Variants in EIF4G3 observed in about 807,000 individuals in gnomAD.
EIF4G3 encodes eukaryotic translation initiation factor 4 gamma 3, also known as eIF-4-gamma 3.
EIF4G3 carries 34 observed loss-of-function variants against 186.4 expected under a neutral mutation model. That is an observed-to-expected ratio of 0.18 (90% CI 0.14 to 0.24). The LOEUF (loss-of-function observed/expected upper bound fraction) is 0.24, where lower values mean the gene tolerates loss of function less well. Among genes scored for constraint, EIF4G3 ranks in the 10% least tolerant of loss-of-function variants. The pLI is 1.00. For synonymous variants in EIF4G3, 673 were observed against 679.5 expected, an observed-to-expected ratio of 0.99 and a Z score of 0.15; for missense variants, 1,536 against 1,948.5, an observed-to-expected ratio of 0.79 and a Z score of 3.99.
chr1:21,170,599 A>T (rs1016090526), intron 2 of EIF4G3, among the ~76,000 whole-genome samples: 1 of 152,126 alleles, frequency 6.6e-6, no homozygotes, highest in East Asian at 1.9e-4. Context: ...TGAACCCAGG[A>T]GGTGGAGGAT....
chr1:20,967,524 A>G (rs1283119488), intron 12 of EIF4G3, among the ~76,000 whole-genome samples: 2 of 152,208 alleles, frequency 1.3e-5, no homozygotes, highest in Non-Finnish European at 2.9e-5. Context: ...ATGAGGAGTG[A>G]TGAAGAATTA....
At chr1:21,133,927 T>C (rs2097196324) in intron 2 of EIF4G3, among the ~76,000 whole-genome samples, 1 of 152,188 alleles carries the variant, frequency 6.6e-6, no homozygotes, top group Admixed American at 6.5e-5. Context: ...GTCACCATCA[T>C]CACAATGTTC....
intron 10 of EIF4G3, among the ~76,000 whole-genome samples, chr1:20,976,078 T>C (rs1003560436): frequency 6.6e-6 from 1 of 152,064 alleles, no homozygotes; most frequent in South Asian, 2.1e-4. Context: ...GTCAATGATG[T>C]ATTGCAAAAT....
chr1:21,040,593 A>C (rs190332091), intron 4 of EIF4G3, among the ~76,000 whole-genome samples: 1 of 152,242 alleles, frequency 6.6e-6, no homozygotes, highest in East Asian at 1.9e-4. Context: ...AATGTTTTTA[A>C]TCTTTCTGTG....
chr1:21,062,844 G>A (rs1228326052), intron 3 of EIF4G3, among the ~76,000 whole-genome samples: 1 of 152,092 alleles, frequency 6.6e-6, no homozygotes, highest in African/African-American at 2.4e-5. Context: ...GCCCACCTTG[G>A]CCTCCCAAAG....
At chr1:20,867,066 T>A (rs2077715687) in intron 20 of EIF4G3, among the ~76,000 whole-genome samples, 2 of 152,190 alleles carry the variant, frequency 1.3e-5, no homozygotes, top group African/African-American at 4.8e-5. Context: ...GGAAGACTAT[T>A]TTAGAAGAGC....
chr1:20,967,899 G>A (rs955932909), intron 12 of EIF4G3, among the ~76,000 whole-genome samples: 7 of 152,168 alleles, frequency 4.6e-5, no homozygotes, highest in African/African-American at 1.7e-4. Context: ...AGCAAAGAGA[G>A]CAGCCCCCTA....
intron 4 of EIF4G3, among the ~76,000 whole-genome samples, chr1:21,037,800 T>C (rs2154574048): frequency 6.6e-6 from 1 of 152,302 alleles, no homozygotes; most frequent in South Asian, 2.1e-4. Context: ...GCCTATAAAG[T>C]ATCATTTGGG....
intron 7 of EIF4G3, among the ~76,000 whole-genome samples, chr1:20,983,148 T>C (rs1412878774): frequency 6.6e-6 from 1 of 152,158 alleles, no homozygotes; most frequent in Non-Finnish European, 1.5e-5. Context: ...TGGGATCTAG[T>C]GTCCAAGGCT....
At chr1:21,130,863 T>A (rs1384974223) in intron 2 of EIF4G3, among the ~76,000 whole-genome samples, 1 of 152,018 alleles carries the variant, frequency 6.6e-6, no homozygotes, top group Non-Finnish European at 1.5e-5. Flanking sequence ...AGATGGAAAA[T>A]AATTTCAAAA....
chr1:20,868,185 C>T (rs997182210), intron 20 of EIF4G3, among the ~76,000 whole-genome samples: 1 of 142,016 alleles, frequency 7.0e-6, no homozygotes, highest in African/African-American at 2.6e-5. Context: ...TCAAGAGACC[C>T]ACTGAGATTG....
intron 18 of EIF4G3, among the ~76,000 whole-genome samples, chr1:20,890,538 C>G (rs2085654961): frequency 6.6e-6 from 1 of 152,104 alleles, no homozygotes; most frequent in Non-Finnish European, 1.5e-5. Context: ...TGTCTCCAAC[C>G]TCTGTTTCCC....
intron 14 of EIF4G3, among the ~76,000 whole-genome samples, chr1:20,917,571 A>C (rs1273451725): frequency 6.6e-6 from 1 of 152,212 alleles, no homozygotes; most frequent in Non-Finnish European, 1.5e-5. Flanking sequence ...AATGCAAACT[A>C]ATCTGTAGTG....
chr1:20,888,393 C>A (rs908296612), intron 18 of EIF4G3, among the ~76,000 whole-genome samples: 2 of 152,110 alleles, frequency 1.3e-5, no homozygotes, highest in Non-Finnish European at 2.9e-5. Context: ...CTGGTTATAA[C>A]TAAGATAAAG....
At chr1:21,066,520 A>G (rs763676263) in intron 3 of EIF4G3, among the ~76,000 whole-genome samples, 3 of 152,164 alleles carry the variant, frequency 2.0e-5, no homozygotes, top group Non-Finnish European at 4.4e-5. Context: ...TCTGCATTCT[A>G]TATGGCAATT....
intron 14 of EIF4G3, among the ~76,000 whole-genome samples, chr1:20,937,034 G>A (rs942265459): frequency 2.0e-5 from 3 of 152,196 alleles, no homozygotes; most frequent in African/African-American, 7.2e-5. Context: ...GGGTGTGCCA[G>A]TCTCTATAAC....
In EIF4G3 at chr1:21,141,247, A is replaced by G. The variant is rs534494554; in HGVS notation, c.-272+34928T>C. On this transcript the variant is annotated intron_variant, in intron 2 of 36. Coordinates refer to ENST00000602326, the MANE Select transcript of EIF4G3 (RefSeq NM_001391906.1). The stretch of plus-strand genomic sequence containing the variant: ...CAACTGGGGCTCTTAACCACTCACC[A>G]AACTGTTTCTCTTTCTGTGCCATGT... Among the ~76,000 whole-genome samples, 8 of 152,294 alleles carry G rather than the reference A, an allele frequency of 5.3e-5. No individual in the cohort carries two copies. In the South Asian group the frequency reaches 1.7e-3, roughly 32 times the overall value.
At position 20,827,399 on chromosome 1, in the gene EIF4G3, T is replaced by C. The variant is rs554267199; in HGVS notation, c.4269+218A>G. Among the ~76,000 whole-genome samples, 3 of 152,338 alleles carry C rather than the reference T, an allele frequency of 2.0e-5. No homozygotes were observed. In the East Asian group the frequency reaches 5.8e-4, roughly 29 times the overall value. The stretch of plus-strand genomic sequence containing the variant: ...AAATAAAACATGACTTGAGATTCTT[T>C]AGAATTATACCAAATCTAGTCGAGA... On this transcript the variant is annotated intron_variant, in intron 32 of 36. Coordinates refer to ENST00000602326, the MANE Select transcript of EIF4G3 (RefSeq NM_001391906.1).
At chr1:21,020,091 G>A (rs1264346365) in intron 4 of EIF4G3, among the ~76,000 whole-genome samples, 10 of 152,084 alleles carry the variant, frequency 6.6e-5, no homozygotes, top group Non-Finnish European at 5.9e-5. Flanking sequence ...ATCCCATGTG[G>A]AATAGTTGCG....
Sources: allele counts gnomAD v4.1 joint callset (sites outside exome capture counted in the v4.1 genomes callset), GRCh38; gene constraint gnomAD v4.1.1; transcripts MANE v1.5; gene names NCBI Gene and HGNC (gene_info 2026-07-23, HGNC 2026-07-21).